NEBL: variants seen among roughly 807,000 people sequenced by gnomAD.
NEBL encodes the protein nebulette.
Under a neutral mutation model 140.2 loss-of-function variants are expected in NEBL, and 122 were observed. That is an observed-to-expected ratio of 0.87 (90% CI 0.75 to 1.01). The LOEUF is 1.01. NEBL is among the 50% of genes least tolerant of loss of function. NEBL has a pLI of 0.00. For missense variants in NEBL, 1,365 were observed against 1,231.3 expected (o/e 1.11, Z -1.62); for synonymous variants, 436 against 398.9 (o/e 1.09, Z -1.11).
At chr10:21,129,236 G>A (rs543101709) in intron 2 of NEBL, among the ~76,000 whole-genome samples, 38 of 151,942 alleles carry the variant, frequency 2.5e-4, no homozygotes, top group Non-Finnish European at 4.4e-4. Context: ...TTTAAAAGGC[G>A]TAAGTAGAGG....
intron 4 of NEBL, among the ~76,000 whole-genome samples, chr10:20,935,509 C>T (rs558255618): frequency 1.3e-5 from 2 of 152,152 alleles, no homozygotes; most frequent in Non-Finnish European, 2.9e-5. Flanking sequence ...ATATTTGCAT[C>T]GCCTGGAAAT....
intron 9 of NEBL, among the ~76,000 whole-genome samples, chr10:20,858,017 T>C (rs183898857): frequency 3.7e-4 from 56 of 152,204 alleles, no homozygotes; most frequent in African/African-American, 1.3e-3. Flanking sequence ...TGAAGTATAG[T>C]TGTATGCAGG....
chr10:20,808,357 A>C (rs1006859047), intron 26 of NEBL, among the ~76,000 whole-genome samples, 153 bp downstream of exon 26: 2 of 152,186 alleles, frequency 1.3e-5, no homozygotes, highest in Non-Finnish European at 2.9e-5. Flanking sequence ...TTTAAAAAAA[A>C]AAAAAGACTA....
At chr10:20,893,859 C>T (rs1444544799) in intron 2 of NEBL, among the ~76,000 whole-genome samples, 1 of 152,134 alleles carries the variant, frequency 6.6e-6, no homozygotes, top group Non-Finnish European at 1.5e-5. Flanking sequence ...GATGATGGGT[C>T]CTAAGCTATC....
At chr10:20,993,833 C>G (rs1240199786) in intron 3 of NEBL, among the ~76,000 whole-genome samples, 1 of 152,174 alleles carries the variant, frequency 6.6e-6, no homozygotes, top group African/African-American at 2.4e-5. Context: ...ACAGAGGCAC[C>G]TACTCCCTGA....
At chr10:21,076,044 G>A (rs529440817) in intron 2 of NEBL, among the ~76,000 whole-genome samples, 1 of 152,120 alleles carries the variant, frequency 6.6e-6, no homozygotes, top group African/African-American at 2.4e-5. Context: ...ACAGGGTCTT[G>A]GTGAGGATGT....
chr10:20,850,305 C>A, intron 11 of NEBL, 90 bp downstream of exon 11: 1 of 1,062,252 alleles, frequency 9.4e-7, no homozygotes, highest in Non-Finnish European at 1.5e-6. Flanking sequence ...CAGCACTCTT[C>A]CTTCCAGACC....
chr10:21,282,442 A>T (rs965793190), intron 1 of NEBL, among the ~76,000 whole-genome samples: 5 of 152,204 alleles, frequency 3.3e-5, no homozygotes, highest in Non-Finnish European at 2.9e-5. Context: ...AATGATGCCA[A>T]GGAAAGAGCT....
chr10:21,029,965 AG>A (rs1424659248), intron 2 of NEBL: 1 of 499,358 alleles, frequency 2.0e-6, no homozygotes, highest in Admixed American at 3.0e-5. Context: ...GGATGATTAT[AG>A]GTATAATGAT....
chr10:21,140,838 G>A (rs904418598), intron 2 of NEBL, among the ~76,000 whole-genome samples: 12 of 151,908 alleles, frequency 7.9e-5, no homozygotes, highest in Admixed American at 1.3e-4. Context: ...AATATCTAAC[G>A]CATGCATGGC....
At chr10:21,185,742 CT>C (rs1402063769) in intron 3 of NEBL, among the ~76,000 whole-genome samples, 34 of 152,240 alleles carry the variant, frequency 2.2e-4, no homozygotes, top group Admixed American at 6.5e-4. Context: ...GTTGATCCAC[CT>C]CGCCTCAGCC....
At position 20,855,745 on chromosome 10, in the gene NEBL, T is replaced by C. The variant is rs79027451; in HGVS notation, c.903+2495A>G. On this transcript the variant is annotated intron_variant, in intron 9 of 27. Transcript: ENST00000377122. ...ATGTTTTCCAAAACTTTAATTAGAA[T>C]GATTTTACACAGTAATTAAGGCACT... Among the ~76,000 whole-genome samples, 362 of 152,274 alleles carry C rather than the reference T, an allele frequency of 2.4e-3. 11 individuals carry two copies. In the East Asian group the frequency reaches 0.053, roughly 22 times the overall value.
At chr10:21,226,161 A>C (rs1842144727) in intron 3 of NEBL, among the ~76,000 whole-genome samples, 1 of 151,584 alleles carries the variant, frequency 6.6e-6, no homozygotes, top group Non-Finnish European at 1.5e-5. Context: ...TCTGGCCCCC[A>C]GTGTGTCTAG....
At chr10:21,015,666 C>T (rs1838526582) in intron 3 of NEBL, among the ~76,000 whole-genome samples, 2 of 152,104 alleles carry the variant, frequency 1.3e-5, no homozygotes, top group Non-Finnish European at 2.9e-5. Flanking sequence ...TATGCACTAT[C>T]ATGCCCTAAT....
chr10:20,891,440 TTAAG>T (rs1160257491), intron 2 of NEBL, among the ~76,000 whole-genome samples: 3 of 152,204 alleles, frequency 2.0e-5, no homozygotes, highest in Admixed American at 2.0e-4. Flanking sequence ...CGTTATATAA[TTAAG>T]TGTGAGAGAA....
Position 20,850,517 on chromosome 10 carries a change from GA to G in NEBL, c.1009-16del. On this transcript the variant is annotated splice_polypyrimidine_tract_variant and intron_variant, in intron 10 of 27. Coordinates refer to ENST00000377122, the MANE Select transcript of NEBL (RefSeq NM_006393.3). ...TTATATTTCACCTTCATTGGAAAAA[GA>G]AAAGCATATACAAATCGAAAGTCCT... 2 of 1,517,994 alleles carry G rather than the reference GA, an allele frequency of 1.3e-6. No individual in the cohort carries two copies. Among genetic ancestry groups the G allele is most frequent in the Non-Finnish European group, 9.1e-7 (1 of 1,094,008 alleles). 94.0% of individuals were successfully genotyped at this position (1,517,994 alleles called of 1,614,324 possible).
intron 3 of NEBL, among the ~76,000 whole-genome samples, chr10:21,221,274 T>A (rs1842062650): frequency 6.6e-6 from 1 of 152,176 alleles, no homozygotes; most frequent in South Asian, 2.1e-4. Flanking sequence ...TATATACAAC[T>A]TTTATTTGTC....
intron 4 of NEBL, among the ~76,000 whole-genome samples, chr10:20,933,179 G>C (rs777214547): frequency 3.9e-5 from 6 of 152,018 alleles, no homozygotes; most frequent in Non-Finnish European, 5.9e-5. Context: ...GATTACTTAT[G>C]GTTCACCATT....
intron 2 of NEBL, among the ~76,000 whole-genome samples, chr10:21,041,091 G>A (rs1260906377): frequency 6.6e-6 from 1 of 152,170 alleles, no homozygotes; most frequent in Non-Finnish European, 1.5e-5. Flanking sequence ...AGGGCTCCAT[G>A]TGCAGATTTG....
Sources: gnomAD v4.1 joint callset for allele counts (sites outside exome capture counted in the v4.1 genomes callset) on GRCh38, gnomAD v4.1.1 for gene constraint, MANE v1.5 for transcripts, NCBI Gene and HGNC (gene_info 2026-07-23, HGNC 2026-07-21) for gene names.